The following FAM114A1 variants were observed in gnomAD, a reference collection of about 807,000 sequenced individuals.
FAM114A1 encodes family with sequence similarity 114 member A1.
FAM114A1 carries 62 observed loss-of-function variants against 64.3 expected under a neutral mutation model. The observed-to-expected ratio is 0.96, with a 90% CI of 0.79 to 1.19. The LOEUF is 1.19. Among genes scored for constraint, FAM114A1 ranks in the 50% most tolerant of loss-of-function variants. The probability of loss-of-function intolerance (pLI) is 0.00; values close to 1 mark genes in which losing one functional copy is unlikely to be tolerated. For synonymous variants in FAM114A1, 254 were observed against 251.1 expected (o/e 1.01, Z -0.11); for missense variants, 645 against 676.3 (o/e 0.95, Z 0.51).
intron 14 of FAM114A1, among the ~76,000 whole-genome samples, chr4:38,942,568 C>T (rs1721657416): frequency 6.6e-6 from 1 of 152,196 alleles, no homozygotes; most frequent in Non-Finnish European, 1.5e-5. Flanking sequence ...TAGATGTTTT[C>T]ACATGTTTTA....
chr4:38,912,911 T>C (rs1718693879), intron 7 of FAM114A1, among the ~76,000 whole-genome samples: 1 of 152,216 alleles, frequency 6.6e-6, no homozygotes, highest in South Asian at 2.1e-4. Flanking sequence ...TTTCCAGTGA[T>C]GGTTTCATTG....
intron 7 of FAM114A1, among the ~76,000 whole-genome samples, chr4:38,910,145 A>C (rs1468458046): frequency 6.6e-6 from 1 of 152,052 alleles, no homozygotes. Flanking sequence ...AGGCTGAGGC[A>C]GGGGAATTGC....
At chr4:38,918,258 A>G (rs1379243957) in intron 8 of FAM114A1, among the ~76,000 whole-genome samples, 1 of 152,124 alleles carries the variant, frequency 6.6e-6, no homozygotes, top group Non-Finnish European at 1.5e-5. Flanking sequence ...CAGTCCTACA[A>G]ATGTATGGGT....
At chr4:38,891,868 C>G (rs1716440081) in intron 4 of FAM114A1, 38 bp downstream of exon 4, 2 of 1,565,274 alleles carry the variant, frequency 1.3e-6, no homozygotes, top group African/African-American at 1.4e-5. Flanking sequence ...GACAAAGTAC[C>G]AAAGCCTAAT....
chr4:38,891,418 C>T (rs1305674245), intron 3 of FAM114A1, among the ~76,000 whole-genome samples: 1 of 152,124 alleles, frequency 6.6e-6, no homozygotes, highest in Non-Finnish European at 1.5e-5. Flanking sequence ...CCCTCTTGTG[C>T]CCTCATGCGT....
chr4:38,941,665 C>G (rs923806679), intron 14 of FAM114A1, among the ~76,000 whole-genome samples: 4 of 152,184 alleles, frequency 2.6e-5, no homozygotes, highest in African/African-American at 9.7e-5. Context: ...GCACTGTGTT[C>G]CACCTGTAGA....
At chr4:38,903,259 C>T (rs991537599) in intron 4 of FAM114A1, among the ~76,000 whole-genome samples, 2 of 152,104 alleles carry the variant, frequency 1.3e-5, no homozygotes, top group East Asian at 1.9e-4. Context: ...TATCTGTGAT[C>T]GTTTATGTTC....
At chr4:38,905,450 TA>T in intron 4 of FAM114A1, 71 bp from the exon 5 acceptor site, 1 of 1,110,266 alleles carries the variant, frequency 9.0e-7, no homozygotes, top group Non-Finnish European at 1.3e-6. Flanking sequence ...AACAGCTTTG[TA>T]AGATTTGGTG....
rs376143636 is a variant in FAM114A1 at position 38,933,695 on chromosome 4, A to G, written c.1463+1321A>G. Among the ~76,000 whole-genome samples, 23 of 152,340 alleles carry G rather than the reference A, an allele frequency of 1.5e-4. No individual in the cohort carries two copies. The East Asian group carries it at 3.5e-3, about 23-fold the overall frequency. On this transcript the variant is annotated intron_variant, in intron 12 of 14. Coordinates refer to ENST00000358869, the MANE Select transcript of FAM114A1 (RefSeq NM_138389.4). Reference sequence around the variant, plus strand: ...GCTGAAAAATAAGCCTTTAACTTTTATGCACATGACTGTATACTGTGATGT... The same window carrying G: ...GCTGAAAAATAAGCCTTTAACTTTTGTGCACATGACTGTATACTGTGATGT...
intron 12 of FAM114A1, 99 bp downstream of exon 12, chr4:38,932,473 G>A (rs1720734138): frequency 8.1e-7 from 1 of 1,236,378 alleles, no homozygotes. Flanking sequence ...GCCACTAGAA[G>A]ATTCAGGTTT....
At chr4:38,872,276 TTAAAAC>T (rs566360004) in intron 2 of FAM114A1, among the ~76,000 whole-genome samples, 26 of 152,178 alleles carry the variant, frequency 1.7e-4, no homozygotes, top group Non-Finnish European at 2.1e-4. Context: ...AGGGCACAAA[TTAAAAC>T]TAAGTAACAT....
chr4:38,917,528 A>T (rs927148981), intron 8 of FAM114A1, among the ~76,000 whole-genome samples: 1 of 152,262 alleles, frequency 6.6e-6, no homozygotes, highest in Non-Finnish European at 1.5e-5. Context: ...TGACTAACAC[A>T]GAAGTAAGCA....
At chr4:38,938,434 T>C (rs1721290863) in intron 13 of FAM114A1, 1 of 152,244 alleles carries the variant, frequency 6.6e-6, no homozygotes. Flanking sequence ...TCCTATTTTG[T>C]AAAACAACAC....
chr4:38,928,942 GCTGT>G (rs1323295786), intron 9 of FAM114A1, among the ~76,000 whole-genome samples: 1 of 152,296 alleles, frequency 6.6e-6, no homozygotes, highest in East Asian at 1.9e-4. Flanking sequence ...ACCACCTACA[GCTGT>G]GAACAAGACA....
At chr4:38,910,919 G>A (rs1316485362) in intron 7 of FAM114A1, among the ~76,000 whole-genome samples, 2 of 152,190 alleles carry the variant, frequency 1.3e-5, no homozygotes, top group Non-Finnish European at 2.9e-5. Context: ...GGGTTTGACT[G>A]TTAGTGAAAT....
intron 4 of FAM114A1, among the ~76,000 whole-genome samples, chr4:38,901,771 G>A (rs1027221211): frequency 6.6e-6 from 1 of 152,186 alleles, no homozygotes; most frequent in East Asian, 1.9e-4. Context: ...CAAAGTGGAT[G>A]TGTAAGATAG....
intron 13 of FAM114A1, among the ~76,000 whole-genome samples, chr4:38,939,777 G>A (rs1270085859): frequency 6.6e-6 from 1 of 152,010 alleles, no homozygotes; most frequent in East Asian, 1.9e-4. Context: ...TCCCTTTAAT[G>A]GTTTATGGTC....
chr4:38,925,393 T>C (rs28612207), intron 9 of FAM114A1, among the ~76,000 whole-genome samples: 1,714 of 152,340 alleles, frequency 0.011, 33 homozygotes, highest in African/African-American at 0.039. Flanking sequence ...TCAGGGATTA[T>C]GCAAAAGCTG....
At chr4:38,910,132 G>T (rs112516032) in intron 7 of FAM114A1, among the ~76,000 whole-genome samples, 1 of 151,964 alleles carries the variant, frequency 6.6e-6, no homozygotes, top group Non-Finnish European at 1.5e-5. Flanking sequence ...CCAGCTACTC[G>T]GGAGGCTGAG....
Sources: gnomAD v4.1 joint callset for allele counts (sites outside exome capture counted in the v4.1 genomes callset) on GRCh38, gnomAD v4.1.1 for gene constraint, MANE v1.5 for transcripts, NCBI Gene and HGNC (gene_info 2026-07-23, HGNC 2026-07-21) for gene names.